The following LRRC7 variants were observed in gnomAD, a reference collection of about 807,000 sequenced individuals.
The protein encoded by LRRC7 is leucine rich repeat containing 7, also known as leucine-rich repeat-containing protein 7.
A neutral mutation model predicts 175.7 loss-of-function variants in LRRC7; 23 were observed. The ratio of observed to expected loss-of-function variants is 0.13; its 90% CI spans 0.09 to 0.19. The LOEUF is 0.19. Among genes scored for constraint, LRRC7 ranks in the 10% least tolerant of loss-of-function variants. The pLI is 1.00. For missense variants in LRRC7, 1,354 were observed against 1,904.7 expected (o/e 0.71, Z 5.38); for synonymous variants, 685 against 680.9 (o/e 1.01, Z -0.09).
intron 7 of LRRC7, among the ~76,000 whole-genome samples, chr1:69,892,024 G>A (rs1330517314): frequency 6.6e-6 from 1 of 152,048 alleles, no homozygotes; most frequent in African/African-American, 2.4e-5. Context: ...ACTTGATTGT[G>A]GTAATAATTT....
chr1:69,995,492 C>T (rs151124922), intron 11 of LRRC7, among the ~76,000 whole-genome samples: 6,623 of 151,430 alleles, frequency 0.044, 204 homozygotes, highest in Non-Finnish European at 0.066. Flanking sequence ...CATGCTGGTG[C>T]GCTGCACCCA....
intron 1 of LRRC7, among the ~76,000 whole-genome samples, chr1:69,583,697 A>AT (rs2100927159): frequency 6.6e-6 from 1 of 152,314 alleles, no homozygotes; most frequent in Non-Finnish European, 1.5e-5. Flanking sequence ...AAATATAGGC[A>AT]TTATTCGTTA....
In LRRC7 at chr1:69,898,846, G is replaced by C. The variant is rs117774041; in HGVS notation, c.648-32661G>C. Among the ~76,000 whole-genome samples the C allele has an allele frequency of 1.2e-4, 18 of 152,330 alleles. 1 individual carries two copies. In the East Asian group the frequency reaches 2.7e-3, roughly 23 times the overall value. On this transcript the variant is annotated intron_variant, in intron 7 of 26. Transcript: ENST00000651989. Reference sequence around the variant, plus strand: ...TATCTGGTTTCTAAGAGGGTTAAAAGTTGAGACCCATCAAGAAGATACCAC... The same window carrying C: ...TATCTGGTTTCTAAGAGGGTTAAAACTTGAGACCCATCAAGAAGATACCAC...
chr1:69,910,368 G>T (rs1279927681), intron 7 of LRRC7, among the ~76,000 whole-genome samples: 1 of 152,126 alleles, frequency 6.6e-6, no homozygotes, highest in Admixed American at 6.6e-5. Flanking sequence ...GTTTTGTGTG[G>T]ATGTCCTTTC....
intron 4 of LRRC7, among the ~76,000 whole-genome samples, chr1:69,799,000 G>C (rs574975000): frequency 6.6e-6 from 1 of 151,400 alleles, no homozygotes; most frequent in East Asian, 1.9e-4. Context: ...GGCTAGTTTA[G>C]AGTCTCTTTC....
chr1:69,762,348 C>A (rs765076979), intron 3 of LRRC7, among the ~76,000 whole-genome samples: 6 of 151,988 alleles, frequency 3.9e-5, no homozygotes, highest in Non-Finnish European at 7.4e-5. Flanking sequence ...CCGGATCTGA[C>A]AACCTAATTA....
At chr1:69,569,641 A>C (rs562954866) in intron 1 of LRRC7, among the ~76,000 whole-genome samples, 2 of 152,134 alleles carry the variant, frequency 1.3e-5, no homozygotes, top group East Asian at 3.9e-4. Flanking sequence ...TGACTTCATA[A>C]TAACGGAGAT....
intron 5 of LRRC7, among the ~76,000 whole-genome samples, chr1:69,828,079 T>G (rs1680128648): frequency 6.6e-6 from 1 of 152,170 alleles, no homozygotes; most frequent in South Asian, 2.1e-4. Flanking sequence ...ATTTTGAAAT[T>G]TATTTGTAAT....
chr1:69,837,984 G>A (rs975156496), intron 6 of LRRC7, among the ~76,000 whole-genome samples: 4 of 151,564 alleles, frequency 2.6e-5, no homozygotes, highest in African/African-American at 4.8e-5. Context: ...TGAGGTATGT[G>A]TGATATTTTA....
intron 4 of LRRC7, among the ~76,000 whole-genome samples, chr1:69,814,278 G>A (rs2101160353): frequency 6.6e-6 from 1 of 152,164 alleles, no homozygotes; most frequent in South Asian, 2.1e-4. Context: ...TTCTACTCTT[G>A]TAAATGTGTG....
At position 69,599,081 on chromosome 1, in the gene LRRC7, G is replaced by C. The variant is rs184746932; in HGVS notation, c.2+30440G>C. ...GAAAAAAGAAAAACAGCATGTATGT[G>C]TACCACTAGCTGATGTATGCCACAC... On this transcript the variant is annotated intron_variant, in intron 1 of 26. Coordinates refer to ENST00000651989, the MANE Select transcript of LRRC7 (RefSeq NM_001370785.2). Among the ~76,000 whole-genome samples, 329 of 151,908 alleles carry C rather than the reference G, an allele frequency of 2.2e-3. 2 individuals are homozygous for C. The highest frequency in any genetic ancestry group is 5.6e-3 in the Admixed American group (85 of 15,248).
chr1:69,679,839 C>A (rs1165252854), intron 2 of LRRC7, among the ~76,000 whole-genome samples: 1 of 152,078 alleles, frequency 6.6e-6, no homozygotes, highest in Non-Finnish European at 1.5e-5. Flanking sequence ...GACTCTTGTA[C>A]TGAGTTGGTC....
At chr1:69,614,333 A>G (rs1312950738) in intron 1 of LRRC7, among the ~76,000 whole-genome samples, 1 of 152,044 alleles carries the variant, frequency 6.6e-6, no homozygotes, top group Non-Finnish European at 1.5e-5. Context: ...AGCATAATAA[A>G]CTGTTCATTA....
At chr1:69,822,513 G>A (rs896145502) in intron 4 of LRRC7, among the ~76,000 whole-genome samples, 15 of 152,282 alleles carry the variant, frequency 9.9e-5, no homozygotes, top group African/African-American at 3.4e-4. Flanking sequence ...CTGACAGTCC[G>A]TACCTCTCCT....
intron 2 of LRRC7, among the ~76,000 whole-genome samples, chr1:69,710,189 G>T (rs1020633637): frequency 7.1e-6 from 1 of 140,616 alleles, no homozygotes; most frequent in Non-Finnish European, 1.5e-5. Flanking sequence ...TGAGGCAGGA[G>T]AATCACTTGA....
chr1:69,590,325 T>C (rs1027565386), intron 1 of LRRC7, among the ~76,000 whole-genome samples: 3 of 152,220 alleles, frequency 2.0e-5, no homozygotes, highest in Non-Finnish European at 2.9e-5. Context: ...ATCATCAAGT[T>C]ATTCAGTATT....
At chr1:70,021,915 A>G (rs1191509251) in intron 16 of LRRC7, among the ~76,000 whole-genome samples, 3 of 152,100 alleles carry the variant, frequency 2.0e-5, no homozygotes, top group African/African-American at 4.8e-5. Flanking sequence ...TTTTTCTATC[A>G]TGGCTACTAA....
intron 4 of LRRC7, among the ~76,000 whole-genome samples, chr1:69,795,375 GAAA>G (rs201651394): frequency 7.4e-6 from 1 of 135,318 alleles, no homozygotes; most frequent in Non-Finnish European, 1.6e-5. Context: ...ACACCGTCTC[GAAA>G]AAAAAAAAAA....
chr1:69,659,581 C>G lies in LRRC7; in HGVS notation c.3-18800C>G, dbSNP rs72938926. On this transcript the variant is annotated intron_variant, in intron 1 of 26. Coordinates refer to ENST00000651989, the MANE Select transcript of LRRC7 (RefSeq NM_001370785.2). The stretch of plus-strand genomic sequence containing the variant: ...ATAATAACTGATATCTCAACAGCTG[C>G]AATGACTCCATAGAATACAACCATA... 6.5e-3 allele frequency among the ~76,000 whole-genome samples: 986 copies of G among 151,232 alleles called. 5 individuals carry two copies. Among genetic ancestry groups the G allele is most frequent in the African/African-American group, 0.023 (934 of 41,338 alleles).
Sources: gnomAD v4.1 joint callset for allele counts (sites outside exome capture counted in the v4.1 genomes callset) on GRCh38, gnomAD v4.1.1 for gene constraint, MANE v1.5 for transcripts, NCBI Gene and HGNC (gene_info 2026-07-23, HGNC 2026-07-21) for gene names.